The following SLC24A4 variants were observed in gnomAD, a reference collection of about 807,000 sequenced individuals.
The protein encoded by SLC24A4 is sodium/potassium/calcium exchanger 4.
Under a neutral mutation model 79.0 loss-of-function variants are expected in SLC24A4, and 53 were observed. That is an observed-to-expected ratio of 0.67 (90% CI 0.54 to 0.84). The LOEUF (loss-of-function observed/expected upper bound fraction) is 0.84. SLC24A4 is among the 40% of genes least tolerant of loss of function. SLC24A4 has a pLI of 0.00. For synonymous variants in SLC24A4, 323 were observed against 323.8 expected (o/e 1.00, Z 0.03); for missense variants, 731 against 822.0 (o/e 0.89, Z 1.35).
chr14:92,352,996 T>A (rs1372681315), intron 2 of SLC24A4, among the ~76,000 whole-genome samples: 1 of 152,176 alleles, frequency 6.6e-6, no homozygotes, highest in Non-Finnish European at 1.5e-5. Flanking sequence ...ATTTAAAAAC[T>A]TAAAGTCTTT....
At chr14:92,339,251 G>A (rs775703059) in intron 2 of SLC24A4, among the ~76,000 whole-genome samples, 16 of 152,330 alleles carry the variant, frequency 1.1e-4, no homozygotes, top group Admixed American at 2.0e-4. Context: ...ACAGGGCTGC[G>A]ATCCTGGTGG....
chr14:92,475,565 G>A (rs1039820864), intron 12 of SLC24A4, among the ~76,000 whole-genome samples: 4 of 152,170 alleles, frequency 2.6e-5, no homozygotes, highest in Non-Finnish European at 4.4e-5. Flanking sequence ...CGGGGTTAAC[G>A]GCTTTTCAGA....
In SLC24A4 at chr14:92,490,890, G is replaced by T. The variant is rs1895642738; in HGVS notation, c.1538-775G>T. Among the ~76,000 whole-genome samples, 1 of 152,260 alleles carries T rather than the reference G, an allele frequency of 6.6e-6. No individual in the cohort carries two copies. The highest frequency in any genetic ancestry group is 1.5e-5 in the Non-Finnish European group (1 of 68,050). ...TTCCGGAGGCCAGAAGCCTGAAGGA[G>T]AGTCTGTCCCAGGCCCCTCTTGCCT... On this transcript the variant is annotated intron_variant, in intron 14 of 16. Transcript: ENST00000532405. This position sits in a 1 kb window ranked among gnomAD's most constrained non-coding sequence, Gnocchi z 4.3.
intron 2 of SLC24A4, among the ~76,000 whole-genome samples, chr14:92,362,082 C>T (rs893342494): frequency 1.3e-5 from 2 of 152,114 alleles, no homozygotes; most frequent in African/African-American, 2.4e-5. Flanking sequence ...AGGTGCGGTC[C>T]CATGACTGAG....
intron 2 of SLC24A4, among the ~76,000 whole-genome samples, chr14:92,341,729 A>G (rs1003725983): frequency 6.6e-6 from 1 of 152,144 alleles, no homozygotes; most frequent in Admixed American, 6.5e-5. Flanking sequence ...GGGAAATTCC[A>G]TCCTCTGGGA....
chr14:92,350,669 T>A (rs1011216400), intron 2 of SLC24A4, among the ~76,000 whole-genome samples: 3 of 152,208 alleles, frequency 2.0e-5, no homozygotes, highest in Admixed American at 2.0e-4. Flanking sequence ...ACCAAGTCAC[T>A]AAGTTACCAG....
intron 2 of SLC24A4, among the ~76,000 whole-genome samples, chr14:92,351,370 C>A (rs1886857014): frequency 6.6e-6 from 1 of 152,008 alleles, no homozygotes; most frequent in Admixed American, 6.6e-5. Flanking sequence ...GCTATGGGAC[C>A]CTGGGATTGT....
intron 2 of SLC24A4, among the ~76,000 whole-genome samples, chr14:92,396,679 G>A (rs1006521552): frequency 6.6e-6 from 1 of 152,178 alleles, no homozygotes; most frequent in Admixed American, 6.5e-5. Flanking sequence ...CCTATTATCT[G>A]GGATTGGGTA....
intron 2 of SLC24A4, among the ~76,000 whole-genome samples, chr14:92,389,894 C>A (rs565352289): frequency 1.3e-5 from 2 of 152,292 alleles, no homozygotes; most frequent in East Asian, 3.9e-4. Context: ...GCCTGCGTTC[C>A]CTGCCAAGTC....
intron 2 of SLC24A4, among the ~76,000 whole-genome samples, chr14:92,417,133 AAGGACC>A (rs1891021086): frequency 1.3e-5 from 2 of 152,190 alleles, no homozygotes; most frequent in African/African-American, 4.8e-5. Context: ...AAATATTTAC[AAGGACC>A]ATGTACAGTC....
rs998325675 is a variant in SLC24A4 at position 92,323,707 on chromosome 14, C to G, written c.-124C>G. The G allele has an allele frequency of 7.9e-7, 1 of 1,273,868 alleles. No homozygotes were observed. Among genetic ancestry groups the G allele is most frequent in the Non-Finnish European group, 1.0e-6 (1 of 955,820 alleles). 78.9% of individuals were successfully genotyped at this position (1,273,868 alleles called of 1,614,324 possible). On this transcript the variant is annotated 5_prime_UTR_variant, in exon 1 of 17. Transcript: ENST00000532405. This position sits in a 1 kb window ranked among gnomAD's most constrained non-coding sequence, Gnocchi z 4.9. Reference sequence around the variant, plus strand: ...GCCCTCGGGCCATGAGGCTTTGGCCCGGAGCTCCTCGCCTCTGAGTCGCGC... The same window carrying G: ...GCCCTCGGGCCATGAGGCTTTGGCCGGGAGCTCCTCGCCTCTGAGTCGCGC...
At chr14:92,399,681 G>T (rs990169828) in intron 2 of SLC24A4, among the ~76,000 whole-genome samples, 1 of 152,176 alleles carries the variant, frequency 6.6e-6, no homozygotes, top group Admixed American at 6.5e-5. Context: ...GCGCTATGAA[G>T]GGGCTGATCA....
In SLC24A4 at chr14:92,356,140, G is replaced by T. The variant is rs576728544; in HGVS notation, c.241+30162G>T. Among the ~76,000 whole-genome samples, 4 of 152,312 alleles carry T rather than the reference G, an allele frequency of 2.6e-5. No homozygotes were observed. In the South Asian group the frequency reaches 8.3e-4, roughly 32 times the overall value. On this transcript the variant is annotated intron_variant, in intron 2 of 16. Transcript: ENST00000532405. ...AATAGACTTTGTGTAAGAGGATTTT[G>T]TCCAATCATAGGGTAGTGTAGGTGT...
At chr14:92,347,666 C>T (rs571401590) in intron 2 of SLC24A4, among the ~76,000 whole-genome samples, 10 of 152,260 alleles carry the variant, frequency 6.6e-5, no homozygotes, top group East Asian at 3.9e-4. Flanking sequence ...AGGTGGCTCA[C>T]GCCTGTAATC....
In SLC24A4 at chr14:92,465,609, G is replaced by T. The variant is rs564475159; in HGVS notation, c.1255+9001G>T. On this transcript the variant is annotated intron_variant, in intron 12 of 16. Transcript: ENST00000532405. Reference sequence around the variant, plus strand: ...GCTTCTCCCTTGACTGACAGAGCCTGGTCTGCAGCTCCGCTCCTTCCCTCC... The same window carrying T: ...GCTTCTCCCTTGACTGACAGAGCCTTGTCTGCAGCTCCGCTCCTTCCCTCC... Among the ~76,000 whole-genome samples, 575 of 152,256 alleles carry T rather than the reference G, an allele frequency of 3.8e-3. 3 individuals are homozygous for T. Among genetic ancestry groups the T allele is most frequent in the African/African-American group, 0.013 (555 of 41,550 alleles).
intron 13 of SLC24A4, chr14:92,484,737 C>T: frequency 1.0e-6 from 1 of 985,362 alleles, no homozygotes; most frequent in Non-Finnish European, 1.2e-6. Context: ...TCCCTCCTGA[C>T]CACTCCCTTT....
intron 13 of SLC24A4, chr14:92,484,671 T>C: frequency 1.0e-6 from 1 of 985,380 alleles, no homozygotes; most frequent in Non-Finnish European, 1.2e-6. Flanking sequence ...TTGGTTCAGC[T>C]AAATGGGGGA....
At chr14:92,455,671 T>C (rs184442412) in intron 11 of SLC24A4, among the ~76,000 whole-genome samples, 1 of 152,346 alleles carries the variant, frequency 6.6e-6, no homozygotes, top group East Asian at 1.9e-4. Flanking sequence ...GGAAATGTTA[T>C]ACATCTTGAT....
rs1877893348 is a variant in SLC24A4 at position 92,398,738 on chromosome 14, A to G, written c.242-35174A>G. Among the ~76,000 whole-genome samples the G allele has an allele frequency of 1.3e-5, 2 of 152,188 alleles. No homozygotes were observed. The highest frequency in any genetic ancestry group is 4.8e-5 in the African/African-American group (2 of 41,444). On this transcript the variant is annotated intron_variant, in intron 2 of 16. Transcript: ENST00000532405. The surrounding 1 kb of genome is among the most constrained non-coding windows in gnomAD (Gnocchi z 4.1). ...CACACTGGGCTGCACAGGCCAGGAAATTACCAGCATGTCCTCTCAAACACC... is the reference window on the plus strand; with the variant it reads ...CACACTGGGCTGCACAGGCCAGGAAGTTACCAGCATGTCCTCTCAAACACC...
Sources: allele counts gnomAD v4.1 joint callset (sites outside exome capture counted in the v4.1 genomes callset), GRCh38; gene constraint gnomAD v4.1.1; non-coding constraint Gnocchi (gnomAD v3.1); transcripts MANE v1.5; gene names NCBI Gene and HGNC (gene_info 2026-07-23, HGNC 2026-07-21).